The following CDH23 variants were observed in gnomAD, a reference collection of about 807,000 sequenced individuals.
CDH23 encodes the protein cadherin related 23.
A neutral mutation model predicts 317.1 loss-of-function variants in CDH23; 189 were observed. The observed-to-expected ratio is 0.60, with a 90% CI of 0.53 to 0.67. The LOEUF (loss-of-function observed/expected upper bound fraction) is 0.67. CDH23 is among the 30% of genes least tolerant of loss of function. The probability of loss-of-function intolerance (pLI) is 0.00; values close to 1 mark genes in which losing one functional copy is unlikely to be tolerated. For missense variants in CDH23, 4,401 were observed against 4,592.4 expected (o/e 0.96, Z 1.20); for synonymous variants, 1,839 against 1,876.8 (o/e 0.98, Z 0.52).
At chr10:71,755,917 T>C (rs902516047) in intron 38 of CDH23, among the ~76,000 whole-genome samples, 1 of 152,214 alleles carries the variant, frequency 6.6e-6, no homozygotes, top group African/African-American at 2.4e-5. Context: ...GTGAATGTAA[T>C]TAATGCCACC....
Position 71,555,388 on chromosome 10 carries a change from T to G in CDH23, c.430-11354T>G, listed in dbSNP as rs571868665. Among the ~76,000 whole-genome samples, 6 of 152,326 alleles carry G rather than the reference T, an allele frequency of 3.9e-5. No homozygotes were observed. In the East Asian group the frequency reaches 1.2e-3, roughly 29 times the overall value. On this transcript the variant is annotated intron_variant, in intron 6 of 69. Transcript: ENST00000224721. ...CCACTGCTGGGAATGGAAATAGCAT[T>G]CTTTATAACGTGAAATTATTTCTTC...
intron 50 of CDH23, 148 bp downstream of exon 50, chr10:71,798,726 C>A: frequency 1.4e-6 from 1 of 696,992 alleles, no homozygotes; most frequent in Non-Finnish European, 2.3e-6. Context: ...TCCAGATGCC[C>A]AAACCAGGGG....
chr10:71,551,173 G>A (rs760028271), intron 6 of CDH23, among the ~76,000 whole-genome samples: 1 of 152,228 alleles, frequency 6.6e-6, no homozygotes, highest in African/African-American at 2.4e-5. Context: ...ATTAATTAAC[G>A]TACCATTAAA....
intron 11 of CDH23, among the ~76,000 whole-genome samples, chr10:71,621,124 A>G (rs1861447367): frequency 6.6e-6 from 1 of 152,248 alleles, no homozygotes; most frequent in Admixed American, 6.5e-5. Context: ...AGGGAACCAC[A>G]AAGAGAAATC....
At position 71,570,772 on chromosome 10, in the gene CDH23, T is replaced by C; in HGVS notation, c.625-18T>C. 6.3e-7 allele frequency: 1 copy of C among 1,594,114 alleles called. No individual in the cohort carries two copies. Among genetic ancestry groups the C allele is most frequent in the Non-Finnish European group, 8.5e-7 (1 of 1,170,182 alleles). ...CCATCACTCAACCTAAGGCTGTGTGTTCTCTCCGCTCTCTAAGGATCAAGA... is the reference window on the plus strand; with the variant it reads ...CCATCACTCAACCTAAGGCTGTGTGCTCTCTCCGCTCTCTAAGGATCAAGA... On this transcript the variant is annotated intron_variant, in intron 7 of 69. Transcript: ENST00000224721.
At chr10:71,537,037 TGGACAGGACTGCCACA>T (rs1855743181) in intron 6 of CDH23, among the ~76,000 whole-genome samples, 1 of 152,102 alleles carries the variant, frequency 6.6e-6, no homozygotes, top group Non-Finnish European at 1.5e-5. Flanking sequence ...CACCGTGCAC[TGGACAGGACTGCCACA>T]GGAGCTGGCG....
intron 9 of CDH23, among the ~76,000 whole-genome samples, chr10:71,584,799 C>T (rs10999901): frequency 0.14 from 21,721 of 152,168 alleles, 2,150 homozygotes; most frequent in African/African-American, 0.27. Context: ...AACTCTGAAT[C>T]GCACACCACA....
At chr10:71,811,820 G>A (rs895585028) in intron 65 of CDH23, 67 bp downstream of exon 65, 56 of 1,472,810 alleles carry the variant, frequency 3.8e-5, no homozygotes, top group East Asian at 1.0e-4. Flanking sequence ...AGTGCCCACC[G>A]GAGCCACAAG....
chr10:71,595,937 T>G (rs1050390816), intron 9 of CDH23, among the ~76,000 whole-genome samples: 1 of 152,208 alleles, frequency 6.6e-6, no homozygotes, highest in African/African-American at 2.4e-5. Context: ...TCTCTTTCTC[T>G]TACCTCTCCA....
chr10:71,546,217 C>G (rs1174141884), intron 6 of CDH23, among the ~76,000 whole-genome samples: 2 of 152,134 alleles, frequency 1.3e-5, no homozygotes, highest in African/African-American at 4.8e-5. Context: ...TGCCCCTTCT[C>G]CATGTTTATT....
chr10:71,667,227 G>A (rs375572007), intron 14 of CDH23, among the ~76,000 whole-genome samples: 11 of 152,284 alleles, frequency 7.2e-5, no homozygotes, highest in East Asian at 1.9e-4. Context: ...GATTGAGTGC[G>A]TGCCTGCCAG....
intron 6 of CDH23, among the ~76,000 whole-genome samples, chr10:71,533,317 C>T (rs1341729039): frequency 6.6e-6 from 1 of 152,164 alleles, no homozygotes; most frequent in Admixed American, 6.5e-5. Flanking sequence ...GGAATACCTC[C>T]CTGCCACCTC....
At chr10:71,786,007 A>C (rs2132941056) in intron 44 of CDH23, among the ~76,000 whole-genome samples, 1 of 152,342 alleles carries the variant, frequency 6.6e-6, no homozygotes, top group East Asian at 1.9e-4. Context: ...TATATGTGAA[A>C]GCCTCAGCAC....
chr10:71,670,655 G>A (rs568360314), intron 14 of CDH23, among the ~76,000 whole-genome samples: 24 of 152,284 alleles, frequency 1.6e-4, no homozygotes, highest in African/African-American at 4.8e-4. Context: ...AGGTAGATAC[G>A]AGAACACTAA....
chr10:71,582,325 C>T (rs1858697381), intron 9 of CDH23, among the ~76,000 whole-genome samples: 2 of 152,150 alleles, frequency 1.3e-5, no homozygotes, highest in Non-Finnish European at 2.9e-5. Context: ...GTCAATAAAA[C>T]ACATAGGATT....
intron 6 of CDH23, among the ~76,000 whole-genome samples, chr10:71,519,385 G>A (rs1401567261): frequency 2.0e-5 from 3 of 152,254 alleles, no homozygotes; most frequent in African/African-American, 7.2e-5. Flanking sequence ...TGCCCCCATG[G>A]TGGGGCCTGA....
At chr10:71,587,959 A>G (rs1345084620) in intron 9 of CDH23, among the ~76,000 whole-genome samples, 4 of 152,250 alleles carry the variant, frequency 2.6e-5, no homozygotes, top group Non-Finnish European at 4.4e-5. Context: ...ATATGGTTAC[A>G]AAGATATTAA....
At chr10:71,478,871 A>G (rs1447782615) in intron 3 of CDH23, among the ~76,000 whole-genome samples, 1 of 152,242 alleles carries the variant, frequency 6.6e-6, no homozygotes, top group Non-Finnish European at 1.5e-5. Flanking sequence ...TTGGCCAAAA[A>G]CAAGGTCTTT....
intron 3 of CDH23, among the ~76,000 whole-genome samples, chr10:71,451,196 A>G (rs1265410727): frequency 6.6e-6 from 1 of 151,386 alleles, no homozygotes; most frequent in Non-Finnish European, 1.5e-5. Flanking sequence ...TTCCACTCCC[A>G]TCACCAAGGT....
Sources: gnomAD v4.1 joint callset for allele counts (sites outside exome capture counted in the v4.1 genomes callset) on GRCh38, gnomAD v4.1.1 for gene constraint, MANE v1.5 for transcripts, NCBI Gene and HGNC (gene_info 2026-07-23, HGNC 2026-07-21) for gene names.